IL22RA2: variants seen among roughly 807,000 people sequenced by gnomAD.
IL22RA2 encodes interleukin 22 receptor subunit alpha 2, also known as interleukin-22 receptor subunit alpha-2.
IL22RA2 carries 39 observed loss-of-function variants against 30.7 expected under a neutral mutation model. The observed-to-expected ratio is 1.27, with a 90% confidence interval of 0.98 to 1.66. The LOEUF (loss-of-function observed/expected upper bound fraction) is 1.66, where lower values mean the gene tolerates loss of function less well. IL22RA2 is among the 40% of genes most tolerant of loss of function. The pLI is 0.00. For missense variants in IL22RA2, 315 were observed against 312.7 expected (o/e 1.01, Z -0.05); for synonymous variants, 103 against 105.0 (o/e 0.98, Z 0.11).
At chr6:137,150,687 T>G (rs1334304131) in intron 5 of IL22RA2, among the ~76,000 whole-genome samples, 1 of 152,186 alleles carries the variant, frequency 6.6e-6, no homozygotes, top group Non-Finnish European at 1.5e-5. Flanking sequence ...ACCCTATTTC[T>G]AGGCTTGAAT....
chr6:137,146,356 C>A (rs1778178545), intron 6 of IL22RA2, among the ~76,000 whole-genome samples: 1 of 152,076 alleles, frequency 6.6e-6, no homozygotes, highest in Non-Finnish European at 1.5e-5. Context: ...TTGAAGTGTG[C>A]AGTGAGAATG....
At chr6:137,168,680 G>A (rs1778673608) in intron 1 of IL22RA2, among the ~76,000 whole-genome samples, 1 of 152,098 alleles carries the variant, frequency 6.6e-6, no homozygotes, top group Admixed American at 6.5e-5. Flanking sequence ...AGAAGATAGG[G>A]TACACAACTG....
chr6:137,149,930 C>T (rs955511121), intron 5 of IL22RA2, among the ~76,000 whole-genome samples: 7 of 152,190 alleles, frequency 4.6e-5, no homozygotes, highest in South Asian at 2.1e-4. Flanking sequence ...CCTCCTACCT[C>T]GGCCTCCCAA....
chr6:137,159,274 A>C (rs11154914), intron 2 of IL22RA2, among the ~76,000 whole-genome samples: 1 of 152,028 alleles, frequency 6.6e-6, no homozygotes, highest in Non-Finnish European at 1.5e-5. Flanking sequence ...TTAGGGTTCA[A>C]GGTTTTTTAT....
chr6:137,154,626 C>CAT, intron 5 of IL22RA2, among the ~76,000 whole-genome samples: 1 of 151,988 alleles, frequency 6.6e-6, no homozygotes, highest in South Asian at 2.1e-4. Context: ...CACAAACACA[C>CAT]ACACACACAC....
intron 3 of IL22RA2, among the ~76,000 whole-genome samples, chr6:137,157,960 T>C (rs951320438): frequency 6.6e-6 from 1 of 152,008 alleles, no homozygotes; most frequent in African/African-American, 2.4e-5. Context: ...CTCACCACCA[T>C]GTTTGCCACA....
chr6:137,148,854 C>A (rs777255459), intron 5 of IL22RA2, among the ~76,000 whole-genome samples: 19 of 152,142 alleles, frequency 1.2e-4, no homozygotes, highest in African/African-American at 4.3e-4. Flanking sequence ...GAGTCAGCTG[C>A]GGACATCACA....
chr6:137,168,942 G>A (rs1035274050), intron 1 of IL22RA2, among the ~76,000 whole-genome samples: 1 of 152,154 alleles, frequency 6.6e-6, no homozygotes, highest in Non-Finnish European at 1.5e-5. Context: ...TATATCAACT[G>A]AAAATCTGTT....
intron 1 of IL22RA2, among the ~76,000 whole-genome samples, chr6:137,172,935 T>C (rs906363362): frequency 2.0e-5 from 3 of 152,190 alleles, no homozygotes; most frequent in African/African-American, 7.2e-5. Flanking sequence ...TGGGATTTGC[T>C]TCAAAATAAT....
chr6:137,168,151 G>A (rs1400516309), intron 1 of IL22RA2, among the ~76,000 whole-genome samples: 2 of 152,176 alleles, frequency 1.3e-5, no homozygotes, highest in South Asian at 4.1e-4. Flanking sequence ...CTGTATGATA[G>A]AAGCCTGGTC....
chr6:137,145,752 C>T lies in IL22RA2; in HGVS notation c.664G>A (p.Ala222Thr). Residue 222 changes from alanine to threonine, a missense_variant, in exon 7 of 7, where the codon GCT (alanine) becomes ACT (threonine). Transcript: ENST00000296980. The part of the protein sequence containing the change: ...LEKEQKVYEG[A>T]HRAVEIEALT... ...GCTTCAATTTCAACCGCTCTGTGAG[C>T]CCCTTCATAAACCTTTTGCTCCTAC... The T allele has an allele frequency of 1.9e-6, 3 of 1,613,886 alleles. No homozygotes were observed. Among genetic ancestry groups the T allele is most frequent in the Non-Finnish European group, 2.5e-6 (3 of 1,179,926 alleles).
Position 137,149,266 on chromosome 6 carries a change from T to C in IL22RA2, c.473-1375A>G, listed in dbSNP as rs553787119. 8.5e-4 allele frequency among the ~76,000 whole-genome samples: 130 copies of C among 152,332 alleles called. 1 individual carries two copies. The highest frequency in any genetic ancestry group is 1.5e-3 in the Non-Finnish European group (105 of 68,028). ...ATGCATGAAATGACTCACAAATTTT[T>C]GTCTCTAATAAAGACTTTACTTTGA... On this transcript the variant is annotated intron_variant, in intron 5 of 6. Transcript: ENST00000296980.
intron 1 of IL22RA2, among the ~76,000 whole-genome samples, chr6:137,164,997 C>T (rs564550125): frequency 2.0e-5 from 3 of 152,182 alleles, no homozygotes; most frequent in Non-Finnish European, 4.4e-5. Context: ...TATGGAAGAG[C>T]ACCGTAGAGT....
chr6:137,151,630 G>A (rs1215083710), intron 5 of IL22RA2, among the ~76,000 whole-genome samples: 1 of 152,166 alleles, frequency 6.6e-6, no homozygotes, highest in Non-Finnish European at 1.5e-5. Flanking sequence ...CAGAATGGGA[G>A]GAGCTAGCTG....
intron 4 of IL22RA2, 139 bp downstream of exon 4, chr6:137,156,620 C>T: frequency 8.7e-7 from 1 of 1,145,778 alleles, no homozygotes. Flanking sequence ...ATAAATTTGT[C>T]TTGTGCTGTT....
chr6:137,161,068 GC>G (rs1437060366), intron 2 of IL22RA2, among the ~76,000 whole-genome samples: 1 of 152,194 alleles, frequency 6.6e-6, no homozygotes, highest in Non-Finnish European at 1.5e-5. Context: ...CTACACTCCT[GC>G]AGTTTCCTCC....
chr6:137,160,381 C>T (rs1376436995), intron 2 of IL22RA2, among the ~76,000 whole-genome samples: 3 of 152,184 alleles, frequency 2.0e-5, no homozygotes. Flanking sequence ...CTTCCTCTTA[C>T]AGACTGAAAA....
intron 3 of IL22RA2, among the ~76,000 whole-genome samples, chr6:137,157,296 G>A (rs1210104012): frequency 6.6e-6 from 1 of 152,118 alleles, no homozygotes; most frequent in Non-Finnish European, 1.5e-5. Flanking sequence ...TACTCCAGGG[G>A]AAGCATAAAA....
intron 2 of IL22RA2, among the ~76,000 whole-genome samples, chr6:137,160,992 G>T (rs1456707018): frequency 6.6e-6 from 1 of 152,168 alleles, no homozygotes; most frequent in South Asian, 2.1e-4. Context: ...TACACTGAGA[G>T]GTACCCATTT....
Sources: allele counts gnomAD v4.1 joint callset (sites outside exome capture counted in the v4.1 genomes callset), GRCh38; gene constraint gnomAD v4.1.1; transcripts MANE v1.5; gene names NCBI Gene and HGNC (gene_info 2026-07-23, HGNC 2026-07-21).